The following TM6SF1 variants were observed in gnomAD, a reference collection of about 807,000 sequenced individuals.
The protein encoded by TM6SF1 is transmembrane 6 superfamily member 1.
A neutral mutation model predicts 47.1 loss-of-function variants in TM6SF1; 43 were observed. That is an observed-to-expected ratio of 0.91 (90% CI 0.72 to 1.18). TM6SF1 has a LOEUF of 1.18. Ranked by LOEUF, TM6SF1 falls within the 50% of genes most tolerant of loss-of-function variation. The probability of loss-of-function intolerance (pLI) is 0.00; values close to 1 mark genes in which losing one functional copy is unlikely to be tolerated. For missense variants in TM6SF1, 390 were observed against 449.0 expected (o/e 0.87, Z 1.19); for synonymous variants, 177 against 166.3 (o/e 1.06, Z -0.49).
At chr15:83,121,763 C>T in intron 4 of TM6SF1, 158 bp from the exon 5 acceptor site, 1 of 612,228 alleles carries the variant, frequency 1.6e-6, no homozygotes, top group South Asian at 2.2e-5. Context: ...AGTTACATAA[C>T]CAGGGCTCCT....
At chr15:83,124,466 T>A (rs2035551997) in intron 6 of TM6SF1, among the ~76,000 whole-genome samples, 1 of 152,154 alleles carries the variant, frequency 6.6e-6, no homozygotes, top group Non-Finnish European at 1.5e-5. Flanking sequence ...GAGAGATCAT[T>A]TAGCCCAAAT....
chr15:83,132,759 T>C (rs1300416094), intron 9 of TM6SF1: 3 of 152,110 alleles, frequency 2.0e-5, no homozygotes, highest in African/African-American at 2.4e-5. Context: ...AGTAACAGTT[T>C]AGGAAGAACA....
chr15:83,132,257 T>C (rs1000095506), intron 9 of TM6SF1: 3 of 152,252 alleles, frequency 2.0e-5, no homozygotes, highest in African/African-American at 4.8e-5. Context: ...TTTGGAGATA[T>C]GCCTTATGTT....
In TM6SF1 at chr15:83,122,756, G is replaced by C; in HGVS notation, c.482-1G>C. 1 of 1,613,130 alleles carries C rather than the reference G, an allele frequency of 6.2e-7. No homozygotes were observed. Among genetic ancestry groups the C allele is most frequent in the Non-Finnish European group, 8.5e-7 (1 of 1,179,742 alleles). On this transcript the variant is annotated splice_acceptor_variant, in intron 5 of 9. Coordinates refer to ENST00000322019, the MANE Select transcript of TM6SF1 (RefSeq NM_023003.5). LOFTEE classifies it high-confidence loss of function. ...TCTTTCTCTTTCTCTCTTTTAAATA[G>C]GGAAGTATGGAACACGAATTTGCCC...
At chr15:83,120,766 A>G (rs2035156492) in intron 4 of TM6SF1, among the ~76,000 whole-genome samples, 1 of 151,636 alleles carries the variant, frequency 6.6e-6, no homozygotes, top group Non-Finnish European at 1.5e-5. Flanking sequence ...TTTTTTCACC[A>G]TGTTGGCCAG....
At chr15:83,122,917 T>C in intron 6 of TM6SF1, 39 bp downstream of exon 6, 2 of 1,608,032 alleles carry the variant, frequency 1.2e-6, no homozygotes, top group East Asian at 2.2e-5. Context: ...GTTCTCAAAC[T>C]CATAGGGTTC....
Position 83,107,853 on chromosome 15 carries a change from C to A in TM6SF1, c.92+81C>A. 6.7e-7 allele frequency: 1 copy of A among 1,488,990 alleles called. No individual in the cohort carries two copies. Among genetic ancestry groups the A allele is most frequent in the Admixed American group, 2.3e-5 (1 of 43,428 alleles). The allele number at this position is 1,488,990 out of a possible 1,614,324, so 92.2% of individuals were successfully genotyped here. A position where few individuals can be genotyped will look rare whatever the true frequency, so the allele number is the denominator to read the frequency against. ...CGCGACGGGAGCCTCGCAACTTTTC[C>A]GAGGGGGCTGGGACCGTCCGCCGCG... On this transcript the variant is annotated intron_variant, in intron 1 of 9. Coordinates refer to ENST00000322019, the MANE Select transcript of TM6SF1 (RefSeq NM_023003.5). The surrounding 1 kb of genome is among the most constrained non-coding windows in gnomAD (Gnocchi z 5.6).
intron 9 of TM6SF1, chr15:83,130,540 G>T (rs946328016): frequency 6.6e-6 from 1 of 152,220 alleles, no homozygotes; most frequent in Non-Finnish European, 1.5e-5. Context: ...GTAAATGTCA[G>T]AAGGATGTTT....
chr15:83,135,448 A>G (rs1182119480), intron 9 of TM6SF1: 1 of 152,220 alleles, frequency 6.6e-6, no homozygotes, highest in South Asian at 2.1e-4. Flanking sequence ...ATAATTTACT[A>G]CTTATTACAT....
intron 4 of TM6SF1, chr15:83,120,156 A>G (rs935023219): frequency 1.5e-4 from 26 of 169,046 alleles, no homozygotes; most frequent in African/African-American, 6.0e-4. Context: ...GTGGATGTGT[A>G]TGTACAAGGG....
At chr15:83,125,869 T>C (rs117245385) in intron 7 of TM6SF1, among the ~76,000 whole-genome samples, 1,832 of 152,258 alleles carry the variant, frequency 0.012, 18 homozygotes, top group Non-Finnish European at 0.02. Context: ...CAAGAAACTT[T>C]CTGGAGGAGA....
chr15:83,116,046 T>C (rs1158431080), intron 3 of TM6SF1, 104 bp downstream of exon 3: 1 of 865,446 alleles, frequency 1.2e-6, no homozygotes, highest in Non-Finnish European at 1.9e-6. Flanking sequence ...ACAGGTACGC[T>C]ACGCAGGCTT....
intron 1 of TM6SF1, among the ~76,000 whole-genome samples, chr15:83,111,400 C>T (rs2034153981): frequency 6.6e-6 from 1 of 151,948 alleles, no homozygotes. Context: ...ACCCATTCAC[C>T]CATCATCCAT....
At position 83,107,874 on chromosome 15, in the gene TM6SF1, C is replaced by T; in HGVS notation, c.92+102C>T. 1 of 1,389,456 alleles carries T rather than the reference C, an allele frequency of 7.2e-7. No homozygotes were observed. The highest frequency in any genetic ancestry group is 1.5e-5 in the African/African-American group (1 of 66,196). The allele number at this position is 1,389,456 out of a possible 1,614,324, so 86.1% of individuals were successfully genotyped here. A position where few individuals can be genotyped will look rare whatever the true frequency, so the allele number is the denominator to read the frequency against. On this transcript the variant is annotated intron_variant, in intron 1 of 9. Transcript: ENST00000322019. The surrounding 1 kb of genome is among the most constrained non-coding windows in gnomAD (Gnocchi z 5.6). ...TTTCCGAGGGGGCTGGGACCGTCCG[C>T]CGCGGGACAGAGGTTCGTGGCCGCA...
intron 9 of TM6SF1, chr15:83,132,087 C>T (rs1339589689): frequency 6.6e-6 from 1 of 152,220 alleles, no homozygotes; most frequent in Non-Finnish European, 1.5e-5. Context: ...CCTCAGTTTC[C>T]TCTTCTGTAA....
Position 83,136,646 on chromosome 15 carries a change from A to G in TM6SF1, c.1087A>G (p.Thr363Ala), listed in dbSNP as rs770939874. The change falls in exon 10 of 10, where the codon ACA (threonine) becomes GCA (alanine). Residue 363 changes from threonine (T) to alanine (A), a missense_variant. Transcript: ENST00000322019. ...CTACAAACCAGAGTTCTTCATAAAAACAAAGGCAGAAGAAAAAGTGGAATA... is the reference window on the plus strand; with the variant it reads ...CTACAAACCAGAGTTCTTCATAAAAGCAAAGGCAGAAGAAAAAGTGGAATA... ...CIYKPEFFIK[T>A]KAEEKVE The G allele has an allele frequency of 6.3e-7, 1 of 1,593,586 alleles. No individual in the cohort carries two copies. Among genetic ancestry groups the G allele is most frequent in the South Asian group, 1.2e-5 (1 of 86,432 alleles).
intron 4 of TM6SF1, 21 bp from the exon 5 acceptor site, chr15:83,121,900 T>G (rs1350715961): frequency 6.4e-7 from 1 of 1,573,452 alleles, no homozygotes. Flanking sequence ...AGTCAAGATT[T>G]TTTTGTTGTT....
At chr15:83,114,881 T>G (rs2034514971) in intron 2 of TM6SF1, 1 of 152,266 alleles carries the variant, frequency 6.6e-6, no homozygotes, top group Non-Finnish European at 1.5e-5. Context: ...ATTTAGGAGA[T>G]GCTCACAACT....
chr15:83,111,337 CTCCATCATCCATCAATTCA>C (rs1038256577), intron 1 of TM6SF1, among the ~76,000 whole-genome samples: 3 of 151,992 alleles, frequency 2.0e-5, no homozygotes, highest in African/African-American at 7.3e-5. Context: ...ATCCATCATC[CTCCATCATCCATCAATTCA>C]TCCATCATCC....
Sources: gnomAD v4.1 joint callset for allele counts (sites outside exome capture counted in the v4.1 genomes callset) on GRCh38, gnomAD v4.1.1 for gene constraint, Gnocchi (gnomAD v3.1) non-coding constraint, MANE v1.5 for transcripts, NCBI Gene and HGNC (gene_info 2026-07-23, HGNC 2026-07-21) for gene names.